The following COL6A6 variants were observed in gnomAD, a reference collection of about 807,000 sequenced individuals.
COL6A6 encodes the protein collagen type VI alpha 6 chain, also known as collagen alpha-6(VI) chain.
A neutral mutation model predicts 208.6 loss-of-function variants in COL6A6; 183 were observed. The ratio of observed to expected loss-of-function variants is 0.88; its 90% confidence interval spans 0.78 to 0.99. The LOEUF is 0.99. Among genes scored for constraint, COL6A6 ranks in the 50% least tolerant of loss-of-function variants. The pLI, the probability that COL6A6 is intolerant of heterozygous loss-of-function variation, is 0.00. For synonymous variants in COL6A6, 973 were observed against 1,011.8 expected, an observed-to-expected ratio of 0.96 and a Z score of 0.73; for missense variants, 2,816 against 2,815.2, an observed-to-expected ratio of 1.00 and a Z score of -0.01.
chr3:130,646,018 A>C (rs1159169270), intron 32 of COL6A6, among the ~76,000 whole-genome samples: 2 of 152,230 alleles, frequency 1.3e-5, no homozygotes, highest in African/African-American at 4.8e-5. Context: ...TGTGCTCAGA[A>C]ACTTCCATTC....
In COL6A6 at chr3:130,649,016, C is replaced by CTTT. The variant is rs72391450; in HGVS notation, c.5240-42_5240-40dup. 172 of 1,126,936 alleles carry CTTT rather than the reference C, an allele frequency of 1.5e-4. No individual in the cohort carries two copies. In the Middle Eastern group the frequency reaches 3.8e-3, roughly 25 times the overall value. 69.8% of individuals were successfully genotyped at this position (1,126,936 alleles called of 1,614,324 possible). ...TAAAATTACTTTGCCTTCTATGTAT[C>CTTT]TTTTTTTTTTTTTAAATAAGGATGC... is the stretch of plus-strand genomic sequence containing the variant. On this transcript the variant is annotated intron_variant, in intron 32 of 36. Transcript: ENST00000358511.
intron 33 of COL6A6, among the ~76,000 whole-genome samples, chr3:130,652,669 A>G (rs2065679387): frequency 6.6e-6 from 1 of 152,206 alleles, no homozygotes; most frequent in African/African-American, 2.4e-5. Flanking sequence ...CAGAAGAGAA[A>G]TTACATTACT....
intron 12 of COL6A6, among the ~76,000 whole-genome samples, chr3:130,590,758 G>C (rs2063690869): frequency 4.6e-5 from 7 of 151,390 alleles, no homozygotes; most frequent in Admixed American, 4.6e-4. Flanking sequence ...TAGTAGAGAC[G>C]GGGTTTCACC....
At position 130,564,609 on chromosome 3, in the gene COL6A6, C is replaced by T. The variant is rs2062972483; in HGVS notation, c.662-385C>T. Among the ~76,000 whole-genome samples the T allele has an allele frequency of 2.0e-5, 3 of 152,080 alleles. 1 individual carries two copies. In the South Asian group the frequency reaches 6.2e-4, roughly 31 times the overall value. On this transcript the variant is annotated intron_variant, in intron 3 of 36. Coordinates refer to ENST00000358511, the MANE Select transcript of COL6A6 (RefSeq NM_001102608.3). The stretch of plus-strand genomic sequence containing the variant: ...ATGCAATTGCTATTTCGTTACTATC[C>T]CTTAGGAATATTTGGACTGTAACTG...
At chr3:130,619,948 T>A (rs930657864) in intron 23 of COL6A6, among the ~76,000 whole-genome samples, 3 of 152,114 alleles carry the variant, frequency 2.0e-5, no homozygotes, top group African/African-American at 7.2e-5. Flanking sequence ...TTTTATTTAT[T>A]TTTTTAGACA....
rs768913611 is a variant in COL6A6, at chr3:130,621,854, C to G, written c.4849C>G (p.Gln1617Glu). 7 of 1,613,752 alleles carry G rather than the reference C, an allele frequency of 4.3e-6. No individual in the cohort carries two copies. In the South Asian group the frequency reaches 5.5e-5, roughly 13 times the overall value. ...AGGACCCGGAGGAGAGGCAGGGAAT[C>G]AAGGCCGTTTGGGAAGCCAAGGAAA... ...PPGPGGEAGN[Q>E]GRLGSQGNKG... The change falls in exon 24 of 37, where the codon CAA (glutamine) becomes GAA (glutamate). Residue 1617 changes from glutamine (Q) to glutamate (E), a missense_variant. Coordinates refer to ENST00000358511, the MANE Select transcript of COL6A6 (RefSeq NM_001102608.3).
chr3:130,552,489 A>G (rs779574416), intron 1 of COL6A6, among the ~76,000 whole-genome samples: 10 of 152,138 alleles, frequency 6.6e-5, no homozygotes, highest in Admixed American at 2.0e-4. Flanking sequence ...TTGGCTTGCT[A>G]TATTTTCCTT....
At chr3:130,585,318 C>T (rs1311951402) in intron 10 of COL6A6, among the ~76,000 whole-genome samples, 1 of 152,158 alleles carries the variant, frequency 6.6e-6, no homozygotes, top group Non-Finnish European at 1.5e-5. Context: ...GGGTAAAAAA[C>T]CTAAAAATAC....
chr3:130,593,179 T>C lies in COL6A6; in HGVS notation c.4417-20T>C, dbSNP rs746059626. The C allele has an allele frequency of 3.1e-6, 5 of 1,612,666 alleles. No homozygotes were observed. The highest frequency in any genetic ancestry group is 4.2e-6 in the Non-Finnish European group (5 of 1,178,800). ...TGAAAACGAGAATTCTATTAATAGC[T>C]TTCCCTTCTTGTTTTTTAGGGTGAT... On this transcript the variant is annotated intron_variant, in intron 16 of 36. Coordinates refer to ENST00000358511, the MANE Select transcript of COL6A6 (RefSeq NM_001102608.3).
intron 10 of COL6A6, among the ~76,000 whole-genome samples, chr3:130,585,720 T>C (rs781556346): frequency 6.6e-6 from 1 of 152,242 alleles, no homozygotes; most frequent in Non-Finnish European, 1.5e-5. Flanking sequence ...AATAGGCCTG[T>C]TACTCTTTTA....
intron 20 of COL6A6, among the ~76,000 whole-genome samples, chr3:130,601,589 A>G (rs761220865): frequency 2.0e-5 from 3 of 152,226 alleles, no homozygotes; most frequent in Non-Finnish European, 4.4e-5. Context: ...TCACTGTTTT[A>G]TAGCCTCCAG....
intron 1 of COL6A6, among the ~76,000 whole-genome samples, chr3:130,559,800 A>C (rs955507379): frequency 6.6e-6 from 1 of 152,218 alleles, no homozygotes; most frequent in Admixed American, 6.5e-5. Context: ...GCAAGACATT[A>C]TATGGAATAT....
chr3:130,578,995 C>G lies in COL6A6; in HGVS notation c.3548-2566C>G, dbSNP rs189163331. ...TCTGGGAGGTATATAAACTGAGTCT[C>G]TAACAGTCCCTAGCTATACTTTATA... On this transcript the variant is annotated intron_variant, in intron 8 of 36. Transcript: ENST00000358511. Among the ~76,000 whole-genome samples, 13 of 152,282 alleles carry G rather than the reference C, an allele frequency of 8.5e-5. No homozygotes were observed. The East Asian group carries it at 2.5e-3, about 29-fold the overall frequency.
chr3:130,530,842 A>AG (rs977599741), intron 1 of COL6A6, among the ~76,000 whole-genome samples: 50 of 152,292 alleles, frequency 3.3e-4, no homozygotes, highest in Middle Eastern at 3.4e-3. Context: ...AAAAAGACTG[A>AG]GGTCCCCTGA....
Position 130,574,544 on chromosome 3 carries a change from CTTCA to C in COL6A6, c.3547+23_3547+26del, listed in dbSNP as rs774290917. The C allele has an allele frequency of 4.4e-5, 70 of 1,592,034 alleles. No individual in the cohort carries two copies. Among genetic ancestry groups the C allele is most frequent in the Non-Finnish European group, 4.3e-6 (5 of 1,162,964 alleles). ...GAAAGCAGTAAGTATTTAGCAAGTT[CTTCA>C]TTCGATTCCCTACACCATCTTCTCT... On this transcript the variant is annotated intron_variant, in intron 8 of 36. Coordinates refer to ENST00000358511, the MANE Select transcript of COL6A6 (RefSeq NM_001102608.3).
chr3:130,629,107 G>A (rs2064982170), intron 26 of COL6A6, among the ~76,000 whole-genome samples: 1 of 35,344 alleles, frequency 2.8e-5, no homozygotes, highest in Non-Finnish European at 4.3e-5. Context: ...CTGAGCTACG[G>A]GAGGACATTC....
Position 130,565,585 on chromosome 3 carries a change from T to C in COL6A6, c.1253T>C (p.Phe418Ser), listed in dbSNP as rs764484060. 1.2e-6 allele frequency: 2 copies of C among 1,613,382 alleles called. No homozygotes were observed. Among genetic ancestry groups the C allele is most frequent in the Non-Finnish European group, 1.7e-6 (2 of 1,179,592 alleles). ...CAAATAACACACACAGTCTCTGTCT[T>C]TTCAGAGAGGACTGAAACGCTCAAA... ...RNQITHTVSVFSERTETLKSG... is the reference protein window; with the variant it reads ...RNQITHTVSVSSERTETLKSG... The change falls in exon 4 of 37, where the codon TTT becomes TCT. Residue 418 changes from phenylalanine (F) to serine (S), a missense_variant. Coordinates refer to ENST00000358511, the MANE Select transcript of COL6A6 (RefSeq NM_001102608.3).
intron 21 of COL6A6, among the ~76,000 whole-genome samples, chr3:130,607,246 T>G (rs2064211482): frequency 6.6e-6 from 1 of 152,220 alleles, no homozygotes; most frequent in South Asian, 2.1e-4. Context: ...CTTGAATAAC[T>G]TAGTAGATGA....
chr3:130,606,918 T>A lies in COL6A6; in HGVS notation c.4654-13T>A, dbSNP rs199673339. The A allele has an allele frequency of 1.9e-5, 31 of 1,604,280 alleles. No individual in the cohort carries two copies. Among genetic ancestry groups the A allele is most frequent in the Non-Finnish European group, 2.6e-5 (30 of 1,175,848 alleles). ...TTCTGAATTAATGATATCCACCTTTTCTTCTATTTTAGGCAGCTCATGGCA... is the reference window on the plus strand; with the variant it reads ...TTCTGAATTAATGATATCCACCTTTACTTCTATTTTAGGCAGCTCATGGCA... On this transcript the variant is annotated splice_polypyrimidine_tract_variant and intron_variant, in intron 20 of 36. Coordinates refer to ENST00000358511, the MANE Select transcript of COL6A6 (RefSeq NM_001102608.3).
Sources: allele counts gnomAD v4.1 joint callset (sites outside exome capture counted in the v4.1 genomes callset), GRCh38; gene constraint gnomAD v4.1.1; transcripts MANE v1.5; gene names NCBI Gene and HGNC (gene_info 2026-07-23, HGNC 2026-07-21).